The following NAALAD2 variants were observed in gnomAD, a reference collection of about 807,000 sequenced individuals.
NAALAD2 encodes the protein N-acetylated-alpha-linked acidic dipeptidase 2.
Under a neutral mutation model 95.6 loss-of-function variants are expected in NAALAD2, and 89 were observed. That is an observed-to-expected ratio of 0.93 (90% confidence interval 0.78 to 1.11). The LOEUF is 1.11. Among genes scored for constraint, NAALAD2 ranks in the 50% least tolerant of loss-of-function variants. NAALAD2 has a pLI of 0.00. For synonymous variants in NAALAD2, 264 were observed against 294.4 expected (o/e 0.90, Z 1.06); for missense variants, 894 against 872.4 (o/e 1.02, Z -0.31).
rs572478954 is a variant in NAALAD2, at chr11:90,154,904, G to C, written c.796+2420G>C. Among the ~76,000 whole-genome samples the C allele has an allele frequency of 7.8e-4, 80 of 102,228 alleles. 4 individuals carry two copies. The highest frequency in any genetic ancestry group is 9.0e-4 in the Non-Finnish European group (50 of 55,374). 67.1% of individuals were successfully genotyped at this position (102,228 alleles called of 152,430 possible). ...CATAATATATGTATATATTATATAC[G>C]TATACATATGTATATATTATATACG... On this transcript the variant is annotated intron_variant, in intron 6 of 18. Coordinates refer to ENST00000534061, the MANE Select transcript of NAALAD2 (RefSeq NM_005467.4).
At chr11:90,156,743 T>A (rs1446152551) in intron 6 of NAALAD2, among the ~76,000 whole-genome samples, 1 of 152,102 alleles carries the variant, frequency 6.6e-6, no homozygotes, top group Non-Finnish European at 1.5e-5. Context: ...TGTGACACCA[T>A]GCCCAGCTAA....
chr11:90,185,913 G>C (rs1461336191), intron 18 of NAALAD2, among the ~76,000 whole-genome samples: 1 of 147,938 alleles, frequency 6.8e-6, no homozygotes, highest in Non-Finnish European at 1.5e-5. Context: ...ACAGAAATGA[G>C]CAACTTGTAC....
At chr11:90,143,556 A>T (rs972625037) in intron 2 of NAALAD2, among the ~76,000 whole-genome samples, 4 of 152,034 alleles carry the variant, frequency 2.6e-5, no homozygotes, top group African/African-American at 9.7e-5. Flanking sequence ...AGGCTCTCTG[A>T]GCTTCTTGAC....
chr11:90,139,391 C>T lies in NAALAD2; in HGVS notation c.194+3721C>T, dbSNP rs925805574. 3.9e-5 allele frequency among the ~76,000 whole-genome samples: 6 copies of T among 152,166 alleles called. No homozygotes were observed. In the South Asian group the frequency reaches 6.2e-4, roughly 16 times the overall value. On this transcript the variant is annotated intron_variant, in intron 2 of 18. Coordinates refer to ENST00000534061, the MANE Select transcript of NAALAD2 (RefSeq NM_005467.4). ...TCCCTTCCTGCCTTAAATCTCAGTG[C>T]TTACATCTCTTCCTTACTCATAAAT...
chr11:90,178,395 G>C (rs920378926), intron 16 of NAALAD2, among the ~76,000 whole-genome samples: 1 of 152,164 alleles, frequency 6.6e-6, no homozygotes, highest in Non-Finnish European at 1.5e-5. Flanking sequence ...TTACTGGCTG[G>C]GTGCGGTGGC....
At chr11:90,184,633 T>TA (rs1399945215) in intron 18 of NAALAD2, among the ~76,000 whole-genome samples, 2 of 152,068 alleles carry the variant, frequency 1.3e-5, no homozygotes, top group African/African-American at 2.4e-5. Context: ...GTCATTATTT[T>TA]AAAAACTCAG....
At chr11:90,186,367 T>C (rs1393548172) in intron 18 of NAALAD2, among the ~76,000 whole-genome samples, 1 of 152,224 alleles carries the variant, frequency 6.6e-6, no homozygotes, top group African/African-American at 2.4e-5. Context: ...CTCATCATTT[T>C]TTATGGCTGC....
intron 18 of NAALAD2, among the ~76,000 whole-genome samples, chr11:90,184,148 C>T (rs894451482): frequency 6.6e-6 from 1 of 152,094 alleles, no homozygotes; most frequent in Non-Finnish European, 1.5e-5. Flanking sequence ...ATAATTGCTA[C>T]TTTAAAGGCT....
chr11:90,139,360 C>T (rs188324028), intron 2 of NAALAD2, among the ~76,000 whole-genome samples: 447 of 152,268 alleles, frequency 2.9e-3, no homozygotes, highest in South Asian at 9.7e-3. Context: ...CAGTAGAATT[C>T]GCCTATCCCT....
Position 90,178,070 on chromosome 11 carries a change from T to G in NAALAD2, c.1811T>G (p.Leu604Arg). 6.2e-7 allele frequency: 1 copy of G among 1,613,212 alleles called. No homozygotes were observed. The highest frequency in any genetic ancestry group is 1.3e-5 in the African/African-American group (1 of 74,980). ...AACTATGCAGCAAGTATCTATAATC[T>G]ATCTAAGAAACATGATCAACAATTG... is the stretch of plus-strand genomic sequence containing the variant. ...LKNYAASIYN[L>R]SKKHDQQLTD... is the part of the protein sequence containing the mutation. The change falls in exon 16 of 19, where the codon CTA becomes CGA. Residue 604 changes from leucine (L) to arginine (R), a missense_variant. Transcript: ENST00000534061.
intron 4 of NAALAD2, 70 bp from the exon 5 acceptor site, chr11:90,150,412 G>A: frequency 1.8e-6 from 2 of 1,090,276 alleles, no homozygotes; most frequent in Non-Finnish European, 1.3e-6. Flanking sequence ...GTATTGTGAA[G>A]CAAACTTATT....
chr11:90,155,407 A>ATG (rs1491235457), intron 6 of NAALAD2, among the ~76,000 whole-genome samples: 5 of 89,032 alleles, frequency 5.6e-5, no homozygotes, highest in Non-Finnish European at 8.0e-5. Flanking sequence ...AATATATATA[A>ATG]TGTAATATTA....
At chr11:90,154,858 TG>T (rs1163735076) in intron 6 of NAALAD2, among the ~76,000 whole-genome samples, 1 of 142,066 alleles carries the variant, frequency 7.0e-6, no homozygotes, top group African/African-American at 2.6e-5. Flanking sequence ...ATACATAATA[TG>T]TATATATTAT....
intron 5 of NAALAD2, 27 bp from the exon 6 acceptor site, chr11:90,152,271 A>G (rs999039837): frequency 6.4e-6 from 10 of 1,553,432 alleles, no homozygotes; most frequent in Middle Eastern, 1.7e-4. Context: ...CCATATCTGC[A>G]TTATGAATTG....
At chr11:90,168,306 C>G (rs1035481079) in intron 11 of NAALAD2, among the ~76,000 whole-genome samples, 7 of 152,342 alleles carry the variant, frequency 4.6e-5, no homozygotes, top group Admixed American at 3.3e-4. Context: ...GTAACACTCA[C>G]CGCGAGGGTC....
At chr11:90,170,697 G>T (rs963291292) in intron 13 of NAALAD2, among the ~76,000 whole-genome samples, 2 of 152,132 alleles carry the variant, frequency 1.3e-5, no homozygotes, top group Non-Finnish European at 2.9e-5. Context: ...GAGGTGGCTG[G>T]GGGAAGTTGA....
intron 18 of NAALAD2, among the ~76,000 whole-genome samples, chr11:90,189,835 A>G (rs895103835): frequency 9.9e-5 from 15 of 151,968 alleles, no homozygotes; most frequent in Admixed American, 9.8e-4. Context: ...TACTGAGGGG[A>G]AGGTTGAGGA....
intron 18 of NAALAD2, among the ~76,000 whole-genome samples, chr11:90,190,245 T>C (rs569751642): frequency 4.6e-5 from 7 of 152,302 alleles, no homozygotes; most frequent in Non-Finnish European, 8.8e-5. Flanking sequence ...ATTTTTAAGA[T>C]AACAGGCACA....
chr11:90,156,090 T>C (rs1170623787), intron 6 of NAALAD2, among the ~76,000 whole-genome samples: 1 of 151,876 alleles, frequency 6.6e-6, no homozygotes, highest in Non-Finnish European at 1.5e-5. Context: ...TTCTCTCCTT[T>C]ATTCCTGATG....
Sources: gnomAD v4.1 joint callset for allele counts (sites outside exome capture counted in the v4.1 genomes callset) on GRCh38, gnomAD v4.1.1 for gene constraint, MANE v1.5 for transcripts, NCBI Gene and HGNC (gene_info 2026-07-23, HGNC 2026-07-21) for gene names.